The following STK39 variants were observed in gnomAD, a reference collection of about 807,000 sequenced individuals.
The protein encoded by STK39 is STE20/SPS1-related proline-alanine-rich protein kinase.
A neutral mutation model predicts 77.8 loss-of-function variants in STK39; 20 were observed. The observed-to-expected ratio is 0.26, with a 90% CI of 0.18 to 0.37. The LOEUF (loss-of-function observed/expected upper bound fraction) is 0.37. Ranked by LOEUF, STK39 falls within the 10% of genes least tolerant of loss-of-function variation. STK39 has a pLI of 1.00. For synonymous variants in STK39, 246 were observed against 234.1 expected, an observed-to-expected ratio of 1.05 and a Z score of -0.47; for missense variants, 479 against 656.5, an observed-to-expected ratio of 0.73 and a Z score of 2.95.
chr2:167,980,786 C>T lies in STK39; in HGVS notation c.1499-16060G>A, dbSNP rs145266389. Among the ~76,000 whole-genome samples, 310 of 150,958 alleles carry T rather than the reference C, an allele frequency of 2.1e-3. 3 individuals carry two copies. The highest frequency in any genetic ancestry group is 7.3e-3 in the African/African-American group (299 of 41,158). On this transcript the variant is annotated intron_variant, in intron 16 of 17. Transcript: ENST00000355999. ...TTTTTTTTAAATGTGTAGTAATTTC[C>T]AAAGCCTTTAAAGTAAAGGTTTTAT... is the stretch of plus-strand genomic sequence containing the variant.
intron 5 of STK39, among the ~76,000 whole-genome samples, chr2:168,145,330 G>C (rs1378955025): frequency 6.6e-6 from 1 of 152,146 alleles, no homozygotes; most frequent in African/African-American, 2.4e-5. Flanking sequence ...TCAGTGACAA[G>C]GGCCCTTGAT....
chr2:168,071,776 A>G (rs1163666998), intron 12 of STK39, among the ~76,000 whole-genome samples: 1 of 151,746 alleles, frequency 6.6e-6, no homozygotes, highest in Admixed American at 6.6e-5. Context: ...AGGCTGAGGC[A>G]GGAGAAAGGC....
intron 10 of STK39, among the ~76,000 whole-genome samples, chr2:168,125,332 C>T (rs1042070458): frequency 2.6e-5 from 4 of 152,126 alleles, no homozygotes; most frequent in Non-Finnish European, 4.4e-5. Flanking sequence ...TGGAACACCA[C>T]GTGGTTAAGC....
chr2:168,037,713 T>C (rs1046926880), intron 14 of STK39, among the ~76,000 whole-genome samples: 1 of 152,126 alleles, frequency 6.6e-6, no homozygotes, highest in Non-Finnish European at 1.5e-5. Context: ...TATAGTATAA[T>C]GGGAACAATA....
intron 10 of STK39, among the ~76,000 whole-genome samples, chr2:168,096,300 T>G (rs1686665380): frequency 6.6e-6 from 1 of 152,214 alleles, no homozygotes; most frequent in Admixed American, 6.5e-5. Flanking sequence ...ACAAAAGGCC[T>G]CTGCATGAGA....
chr2:168,147,576 T>C (rs1688172343), intron 5 of STK39, among the ~76,000 whole-genome samples: 1 of 147,122 alleles, frequency 6.8e-6, no homozygotes, highest in Non-Finnish European at 1.5e-5. Flanking sequence ...AGCACCTACT[T>C]ATGCCCGGTA....
intron 2 of STK39, among the ~76,000 whole-genome samples, chr2:168,172,322 G>A (rs1412919471): frequency 6.6e-6 from 1 of 152,170 alleles, no homozygotes; most frequent in Non-Finnish European, 1.5e-5. Context: ...AATGTCACAG[G>A]ACACATCTGT....
chr2:168,098,537 G>A (rs1171688072), intron 10 of STK39, among the ~76,000 whole-genome samples: 2 of 152,080 alleles, frequency 1.3e-5, no homozygotes, highest in Admixed American at 6.5e-5. Flanking sequence ...ATAAGCATCC[G>A]TGACACCCTA....
At chr2:168,000,800 C>A (rs1211149417) in intron 16 of STK39, among the ~76,000 whole-genome samples, 1 of 152,172 alleles carries the variant, frequency 6.6e-6, no homozygotes, top group South Asian at 2.1e-4. Context: ...TTCTAAAAAT[C>A]CAGTCAACAA....
At chr2:167,990,954 C>T (rs1049275031) in intron 16 of STK39, among the ~76,000 whole-genome samples, 1 of 152,094 alleles carries the variant, frequency 6.6e-6, no homozygotes, top group Non-Finnish European at 1.5e-5. Flanking sequence ...AAACAGAGCC[C>T]AAAGTGGCAA....
chr2:168,205,116 G>A (rs1418080419), intron 1 of STK39, among the ~76,000 whole-genome samples: 4 of 152,186 alleles, frequency 2.6e-5, no homozygotes, highest in Admixed American at 6.5e-5. Flanking sequence ...GTAGAATATA[G>A]GTGATGGAGA....
chr2:168,014,371 C>T (rs1684353827), intron 15 of STK39, among the ~76,000 whole-genome samples: 2 of 152,006 alleles, frequency 1.3e-5, no homozygotes, highest in African/African-American at 4.8e-5. Context: ...CTGGTCCCAG[C>T]TACTTGGGAG....
rs910221530 is a variant in STK39, at chr2:168,106,788, C to T, written c.1089+22753G>A. On this transcript the variant is annotated intron_variant, in intron 10 of 17. Transcript: ENST00000355999. ...AGTGAGCCATGTTCACACCACTGCA[C>T]TCCAGCCTGGGTTACAAAGTGAGAA... 3.9e-5 allele frequency among the ~76,000 whole-genome samples: 6 copies of T among 152,250 alleles called. No individual in the cohort carries two copies. The East Asian group carries it at 5.8e-4, about 15-fold the overall frequency.
At chr2:168,072,610 C>T (rs958826911) in intron 12 of STK39, among the ~76,000 whole-genome samples, 5 of 152,216 alleles carry the variant, frequency 3.3e-5, no homozygotes, top group Non-Finnish European at 7.4e-5. Context: ...TTCTCACTGA[C>T]GTATCCCTTA....
intron 5 of STK39, among the ~76,000 whole-genome samples, chr2:168,149,721 T>C (rs923963688): frequency 1.3e-5 from 2 of 152,242 alleles, no homozygotes; most frequent in Non-Finnish European, 2.9e-5. Flanking sequence ...TAGCACACAG[T>C]GCAATTTTGG....
chr2:168,185,975 C>T (rs990556952), intron 1 of STK39, among the ~76,000 whole-genome samples: 1 of 152,084 alleles, frequency 6.6e-6, no homozygotes, highest in Admixed American at 6.6e-5. Context: ...GACTAAAATG[C>T]TGTTGTGGAC....
chr2:167,957,897 T>A (rs1462252011), intron 17 of STK39, among the ~76,000 whole-genome samples: 1 of 152,156 alleles, frequency 6.6e-6, no homozygotes, highest in Non-Finnish European at 1.5e-5. Flanking sequence ...CTTCACAAAG[T>A]TCCTACCCAC....
intron 1 of STK39, among the ~76,000 whole-genome samples, chr2:168,229,211 C>T (rs1043555135): frequency 1.1e-4 from 17 of 151,840 alleles, no homozygotes; most frequent in African/African-American, 3.9e-4. Flanking sequence ...ATGGTGAAAC[C>T]CATCTCTACT....
chr2:168,039,570 A>G lies in STK39; in HGVS notation c.1377-22475T>C, dbSNP rs1424529789. ...TTGCGCCACTGCAGTCCGCAGTCCGACCTGGGCGACAGAGCGAGACTCCGT... is the reference window on the plus strand; with the variant it reads ...TTGCGCCACTGCAGTCCGCAGTCCGGCCTGGGCGACAGAGCGAGACTCCGT... On this transcript the variant is annotated intron_variant, in intron 14 of 17. Transcript: ENST00000355999. Among the ~76,000 whole-genome samples, 3 of 135,818 alleles carry G rather than the reference A, an allele frequency of 2.2e-5. 1 individual carries two copies. The highest frequency in any genetic ancestry group is 4.7e-5 in the Non-Finnish European group (3 of 63,340). The allele number at this position is 135,818 out of a possible 152,430, so 89.1% of individuals were successfully genotyped here.
Sources: gnomAD v4.1 joint callset for allele counts (sites outside exome capture counted in the v4.1 genomes callset) on GRCh38, gnomAD v4.1.1 for gene constraint, MANE v1.5 for transcripts, NCBI Gene and HGNC (gene_info 2026-07-23, HGNC 2026-07-21) for gene names.